The following NCOA1 variants were observed in gnomAD, a reference collection of about 807,000 sequenced individuals.
The protein encoded by NCOA1 is nuclear receptor coactivator 1.
A neutral mutation model predicts 150.9 loss-of-function variants in NCOA1; 35 were observed. The observed-to-expected ratio is 0.23, with a 90% CI of 0.18 to 0.31. NCOA1 has a LOEUF of 0.31. Ranked by LOEUF, NCOA1 falls within the 10% of genes least tolerant of loss-of-function variation. NCOA1 has a pLI of 1.00. For missense variants in NCOA1, 1,491 were observed against 1,749.3 expected, an observed-to-expected ratio of 0.85 and a Z score of 2.63; for synonymous variants, 590 against 630.0, an observed-to-expected ratio of 0.94 and a Z score of 0.95.
At chr2:24,540,603 C>T (rs748134229) in intron 1 of NCOA1, among the ~76,000 whole-genome samples, 54 of 151,904 alleles carry the variant, frequency 3.6e-4, no homozygotes, top group Non-Finnish European at 7.2e-4. Context: ...GGATTACAGG[C>T]GCGTGCCACC....
intron 3 of NCOA1, among the ~76,000 whole-genome samples, chr2:24,604,856 C>T (rs1053473244): frequency 1.7e-4 from 26 of 152,164 alleles, no homozygotes; most frequent in African/African-American, 4.3e-4. Context: ...TAGTTCCAGC[C>T]GGTCTTGGCT....
intron 9 of NCOA1, among the ~76,000 whole-genome samples, chr2:24,693,016 A>G (rs1672739344): frequency 6.6e-6 from 1 of 152,100 alleles, no homozygotes; most frequent in Non-Finnish European, 1.5e-5. Context: ...GCCCGCCACC[A>G]TGCCCGGCTA....
At chr2:24,601,941 G>A (rs961480193) in intron 3 of NCOA1, among the ~76,000 whole-genome samples, 1 of 151,964 alleles carries the variant, frequency 6.6e-6, no homozygotes, top group Non-Finnish European at 1.5e-5. Flanking sequence ...CAGCCACTTC[G>A]TCCTTTCTTT....
chr2:24,575,568 TTC>T (rs1666919215), intron 2 of NCOA1, among the ~76,000 whole-genome samples: 2 of 149,080 alleles, frequency 1.3e-5, no homozygotes, highest in South Asian at 2.2e-4. Context: ...GCCATTTTTT[TTC>T]TTTTTCTTTT....
At chr2:24,572,427 G>A (rs180770320) in intron 2 of NCOA1, among the ~76,000 whole-genome samples, 53 of 152,280 alleles carry the variant, frequency 3.5e-4, no homozygotes, top group African/African-American at 8.7e-4. Flanking sequence ...CTTCTTGAGT[G>A]TTTTGGTTCC....
intron 17 of NCOA1, among the ~76,000 whole-genome samples, chr2:24,738,695 C>A (rs930314810): frequency 1.3e-5 from 2 of 152,156 alleles, no homozygotes; most frequent in African/African-American, 2.4e-5. Context: ...GTAAATAAAT[C>A]TGTTTTACCT....
chr2:24,661,881 T>C (rs982377915), intron 5 of NCOA1, among the ~76,000 whole-genome samples: 16 of 152,336 alleles, frequency 1.1e-4, no homozygotes, highest in African/African-American at 3.6e-4. Context: ...TATCTGTAGA[T>C]GCTCTGATGT....
At position 24,706,612 on chromosome 2, in the gene NCOA1, T is replaced by G; in HGVS notation, c.1142T>G (p.Met381Arg). ...LSPQDDTNSG[M>R]SIPRVNPSVN... ...CCTCAAGATGACACTAATTCTGGAATGTCAATTCCCCGAGTAAATCCCTCG... is the reference window on the plus strand; with the variant it reads ...CCTCAAGATGACACTAATTCTGGAAGGTCAATTCCCCGAGTAAATCCCTCG... Residue 381 changes from methionine (M) to arginine (R), a missense_variant, in exon 13 of 23, where the codon ATG (methionine) becomes AGG (arginine). Around this residue, in one of 8 missense-constraint regions of NCOA1, gnomAD observed 703 missense variants for 717.7 expected, o/e 0.98. Transcript: ENST00000348332. 1 of 1,614,034 alleles carries G rather than the reference T, an allele frequency of 6.2e-7. No individual in the cohort carries two copies. The highest frequency in any genetic ancestry group is 8.5e-7 in the Non-Finnish European group (1 of 1,179,902).
chr2:24,503,240 G>T (rs751822374), intron 1 of NCOA1, among the ~76,000 whole-genome samples: 190 of 152,296 alleles, frequency 1.2e-3, no homozygotes, highest in Non-Finnish European at 1.9e-3. Context: ...CTTGGAGAAC[G>T]TGTTGTTCTA....
chr2:24,666,848 G>C (rs541361747), intron 6 of NCOA1, among the ~76,000 whole-genome samples: 1 of 152,190 alleles, frequency 6.6e-6, no homozygotes, highest in South Asian at 2.1e-4. Context: ...GGCCAGGCTG[G>C]TGTATTTTTA....
At chr2:24,566,894 C>T (rs1201388140) in intron 2 of NCOA1, among the ~76,000 whole-genome samples, 1 of 152,242 alleles carries the variant, frequency 6.6e-6, no homozygotes, top group East Asian at 1.9e-4. Context: ...TCTGAGCCTG[C>T]AGGGGCATGG....
intron 15 of NCOA1, 61 bp from the exon 16 acceptor site, chr2:24,728,247 A>C (rs1175711195): frequency 2.0e-6 from 3 of 1,467,694 alleles, no homozygotes; most frequent in Non-Finnish European, 2.8e-6. Context: ...ATATGTATAT[A>C]AAGATTGAAT....
chr2:24,548,788 C>T (rs1187713955), intron 1 of NCOA1, among the ~76,000 whole-genome samples: 1 of 152,242 alleles, frequency 6.6e-6, no homozygotes, highest in African/African-American at 2.4e-5. Flanking sequence ...ACATCCAGGA[C>T]AAGCTGTTGC....
chr2:24,555,527 G>C (rs7570892), intron 1 of NCOA1, among the ~76,000 whole-genome samples: 3,753 of 152,214 alleles, frequency 0.025, 49 homozygotes, highest in South Asian at 0.032. Flanking sequence ...CTGTCTTCTT[G>C]TTCTATTGAT....
chr2:24,562,139 G>A (rs1666318670), intron 1 of NCOA1, among the ~76,000 whole-genome samples: 1 of 152,088 alleles, frequency 6.6e-6, no homozygotes, highest in Non-Finnish European at 1.5e-5. Flanking sequence ...GTCAATGATG[G>A]GCAAATCCAT....
chr2:24,629,481 T>G (rs1476207437), intron 3 of NCOA1, among the ~76,000 whole-genome samples: 3 of 14,338 alleles, frequency 2.1e-4, no homozygotes, highest in Admixed American at 3.9e-3. Context: ...CTGTTTGGGT[T>G]TTTTTTTTTT....
At chr2:24,730,236 T>C (rs932255116) in intron 17 of NCOA1, among the ~76,000 whole-genome samples, 1 of 152,194 alleles carries the variant, frequency 6.6e-6, no homozygotes, top group Non-Finnish European at 1.5e-5. Context: ...CCCAGAACTT[T>C]CATGAAAGAC....
chr2:24,763,970 G>A (rs187671424), intron 22 of NCOA1, among the ~76,000 whole-genome samples: 2 of 152,260 alleles, frequency 1.3e-5, no homozygotes, highest in African/African-American at 4.8e-5. Flanking sequence ...TTATGCCACA[G>A]ATGGCAGTAG....
intron 3 of NCOA1, among the ~76,000 whole-genome samples, chr2:24,637,727 C>T (rs995917707): frequency 6.6e-6 from 1 of 151,972 alleles, no homozygotes; most frequent in African/African-American, 2.4e-5. Context: ...TGGAGTTTTG[C>T]TCTTCTTGCC....
Sources: gnomAD v4.1 joint callset for allele counts (sites outside exome capture counted in the v4.1 genomes callset) on GRCh38, gnomAD v4.1.1 for gene constraint, gnomAD v4.1.1 regional missense constraint, MANE v1.5 for transcripts, NCBI Gene and HGNC (gene_info 2026-07-23, HGNC 2026-07-21) for gene names.